Variants in IFT81 observed in about 807,000 individuals in gnomAD.
The protein encoded by IFT81 is intraflagellar transport 81.
A neutral mutation model predicts 102.6 loss-of-function variants in IFT81; 72 were observed. That is an observed-to-expected ratio of 0.70 (90% CI 0.58 to 0.85). The LOEUF (loss-of-function observed/expected upper bound fraction) is 0.85. Among genes scored for constraint, IFT81 ranks in the 40% least tolerant of loss-of-function variants. The pLI, the probability that IFT81 is intolerant of heterozygous loss-of-function variation, is 0.00. For synonymous variants in IFT81, 237 were observed against 242.7 expected (o/e 0.98, Z 0.22); for missense variants, 723 against 787.3 (o/e 0.92, Z 0.98).
chr12:110,187,192 G>C (rs1244547424), intron 12 of IFT81, among the ~76,000 whole-genome samples: 2 of 152,034 alleles, frequency 1.3e-5, no homozygotes, highest in East Asian at 3.9e-4. Context: ...TTATTTTCTT[G>C]AATATATTAA....
chr12:110,216,454 C>G (rs1317927465), intron 18 of IFT81: 4 of 452,390 alleles, frequency 8.8e-6, no homozygotes, highest in Non-Finnish European at 1.8e-5. Flanking sequence ...CTTGGCCTCC[C>G]AAAGTGCTGG....
At chr12:110,128,198 CA>C in intron 3 of IFT81, 49 bp downstream of exon 3, 3 of 1,160,418 alleles carry the variant, frequency 2.6e-6, no homozygotes, top group Non-Finnish European at 3.9e-6. Context: ...CTTTAATATC[CA>C]AACCTTCATA....
At chr12:110,150,406 C>G (rs760015871) in intron 10 of IFT81, among the ~76,000 whole-genome samples, 1 of 152,126 alleles carries the variant, frequency 6.6e-6, no homozygotes, top group Non-Finnish European at 1.5e-5. Context: ...GTTTTTAGGT[C>G]TTTTCAGTGG....
chr12:110,184,584 T>C (rs1354717370), intron 12 of IFT81, among the ~76,000 whole-genome samples: 1 of 152,126 alleles, frequency 6.6e-6, no homozygotes, highest in African/African-American at 2.4e-5. Flanking sequence ...TTGAAGGACA[T>C]ACTTATGAAG....
intron 10 of IFT81, among the ~76,000 whole-genome samples, chr12:110,147,835 T>G (rs866090994): frequency 2.5e-4 from 38 of 152,306 alleles, no homozygotes; most frequent in African/African-American, 8.7e-4. Flanking sequence ...CATCATAACA[T>G]TTCATCTATA....
At chr12:110,125,493 C>T (rs1384259082) in intron 1 of IFT81, among the ~76,000 whole-genome samples, 1 of 152,196 alleles carries the variant, frequency 6.6e-6, no homozygotes, top group East Asian at 1.9e-4. Context: ...CTCCCGGGTT[C>T]AAGCAATTCT....
chr12:110,206,394 C>A (rs1361966403), intron 17 of IFT81, among the ~76,000 whole-genome samples: 1 of 152,170 alleles, frequency 6.6e-6, no homozygotes, highest in African/African-American at 2.4e-5. Flanking sequence ...GCCTTCTTTG[C>A]TCCTCATCAC....
At chr12:110,144,007 CTTTT>C (rs536525073) in intron 9 of IFT81, among the ~76,000 whole-genome samples, 3 of 123,130 alleles carry the variant, frequency 2.4e-5, no homozygotes, top group Non-Finnish European at 3.3e-5. Flanking sequence ...CAGGTTATAC[CTTTT>C]TTTTTTTTTT....
chr12:110,210,563 A>T (rs1869270186), intron 18 of IFT81, among the ~76,000 whole-genome samples: 1 of 151,520 alleles, frequency 6.6e-6, no homozygotes, highest in Non-Finnish European at 1.5e-5. Flanking sequence ...ACATGGCAAG[A>T]CCCCATCTCT....
intron 9 of IFT81, 94 bp from the exon 10 acceptor site, chr12:110,146,859 C>A: frequency 2.2e-6 from 3 of 1,336,390 alleles, no homozygotes; most frequent in Non-Finnish European, 1.9e-6. Context: ...AAAAAAGAAC[C>A]ATAAATTCAA....
chr12:110,148,220 C>T (rs1167296097), intron 10 of IFT81, among the ~76,000 whole-genome samples: 3 of 152,014 alleles, frequency 2.0e-5, no homozygotes, highest in African/African-American at 7.2e-5. Context: ...CTGATTGCAA[C>T]CCTATGGTGT....
At chr12:110,135,552 A>C in intron 7 of IFT81, 115 bp downstream of exon 7, 2 of 619,028 alleles carry the variant, frequency 3.2e-6, no homozygotes, top group Admixed American at 6.1e-5. Context: ...TTGCTAACAT[A>C]ATGGAATACT....
At chr12:110,171,108 A>G (rs1896703977) in intron 11 of IFT81, among the ~76,000 whole-genome samples, 1 of 152,220 alleles carries the variant, frequency 6.6e-6, no homozygotes, top group African/African-American at 2.4e-5. Context: ...TTTAGAGTTC[A>G]TAGCAGGACC....
intron 11 of IFT81, among the ~76,000 whole-genome samples, chr12:110,165,310 C>T (rs1328494512): frequency 6.6e-6 from 1 of 151,940 alleles, no homozygotes; most frequent in African/African-American, 2.4e-5. Flanking sequence ...AGTGATAGGC[C>T]ATATGGACAA....
rs555050729 is a variant in IFT81 at position 110,198,406 on chromosome 12, T to C, written c.1558-5458T>C. Among the ~76,000 whole-genome samples the C allele has an allele frequency of 5.4e-4, 82 of 152,268 alleles. 1 individual carries two copies. The highest frequency in any genetic ancestry group is 1.9e-3 in the African/African-American group (81 of 41,578). Reference sequence around the variant, plus strand: ...ATCTTCCCTATAACTGGTTTTCATATTTTTATCTTTTTCTTTGGTGTTGTC... The same window carrying C: ...ATCTTCCCTATAACTGGTTTTCATACTTTTATCTTTTTCTTTGGTGTTGTC... On this transcript the variant is annotated intron_variant, in intron 14 of 18. Coordinates refer to ENST00000242591, the MANE Select transcript of IFT81 (RefSeq NM_014055.4).
At chr12:110,134,901 A>C in intron 5 of IFT81, 47 bp from the exon 6 acceptor site, 1 of 1,382,116 alleles carries the variant, frequency 7.2e-7, no homozygotes, top group Non-Finnish European at 1.0e-6. Context: ...TGTTTCCTAC[A>C]GACTGAGAAT....
chr12:110,179,771 T>TATATAC (rs1897232366), intron 11 of IFT81, among the ~76,000 whole-genome samples: 1 of 52,796 alleles, frequency 1.9e-5, no homozygotes, highest in Non-Finnish European at 4.0e-5. Flanking sequence ...TATATATATA[T>TATATAC]ATACACACAC....
chr12:110,215,712 G>C (rs745981506), intron 18 of IFT81, among the ~76,000 whole-genome samples: 3 of 150,358 alleles, frequency 2.0e-5, no homozygotes, highest in Non-Finnish European at 4.4e-5. Context: ...TTTTCCTACC[G>C]TGTCACTTAT....
At chr12:110,182,418 C>T (rs1897342300) in intron 12 of IFT81, among the ~76,000 whole-genome samples, 1 of 152,172 alleles carries the variant, frequency 6.6e-6, no homozygotes, top group South Asian at 2.1e-4. Context: ...TCCCTCACCT[C>T]AGCTAGTACC....
Sources: gnomAD v4.1 joint callset for allele counts (sites outside exome capture counted in the v4.1 genomes callset) on GRCh38, gnomAD v4.1.1 for gene constraint, MANE v1.5 for transcripts, NCBI Gene and HGNC (gene_info 2026-07-23, HGNC 2026-07-21) for gene names.